The following IKZF2 variants were observed in gnomAD, a reference collection of about 807,000 sequenced individuals.
IKZF2 encodes IKAROS family zinc finger 2.
IKZF2 carries 15 observed loss-of-function variants against 49.2 expected under a neutral mutation model. That is an observed-to-expected ratio of 0.30 (90% confidence interval 0.20 to 0.47). The LOEUF (loss-of-function observed/expected upper bound fraction) is 0.47, where lower values mean the gene tolerates loss of function less well. IKZF2 is among the 20% of genes least tolerant of loss of function. IKZF2 has a pLI of 1.00. For missense variants in IKZF2, 567 were observed against 664.6 expected, an observed-to-expected ratio of 0.85 and a Z score of 1.61; for synonymous variants, 227 against 221.4, an observed-to-expected ratio of 1.03 and a Z score of -0.23.
At chr2:213,038,500 C>T (rs866145334) in intron 6 of IKZF2, among the ~76,000 whole-genome samples, 2 of 151,866 alleles carry the variant, frequency 1.3e-5, no homozygotes, top group East Asian at 1.9e-4. Flanking sequence ...GTATAACTTG[C>T]AGCTATCCCA....
chr2:213,073,906 T>C (rs1369554030), intron 4 of IKZF2, among the ~76,000 whole-genome samples: 1 of 152,164 alleles, frequency 6.6e-6, no homozygotes, highest in Non-Finnish European at 1.5e-5. Context: ...ATCCCTGGGA[T>C]CCAGAAACTT....
chr2:213,120,264 A>T (rs145350466), intron 4 of IKZF2, among the ~76,000 whole-genome samples: 15 of 152,362 alleles, frequency 9.8e-5, no homozygotes, highest in South Asian at 2.1e-4. Flanking sequence ...TGAATACTAT[A>T]ATAGATACAT....
intron 4 of IKZF2, among the ~76,000 whole-genome samples, chr2:213,124,235 TGCGCTCGC>T (rs928544276): frequency 8.7e-6 from 1 of 115,176 alleles, no homozygotes; most frequent in African/African-American, 3.9e-5. Flanking sequence ...CACGCACACA[TGCGCTCGC>T]GCGCGCGCGC....
chr2:213,100,784 T>G (rs144861275), intron 4 of IKZF2, among the ~76,000 whole-genome samples: 25 of 152,166 alleles, frequency 1.6e-4, no homozygotes, highest in African/African-American at 6.0e-4. Context: ...TATTTCTTTT[T>G]AAAGGCCAGG....
chr2:213,024,340 G>A (rs898072624), intron 6 of IKZF2, among the ~76,000 whole-genome samples: 1 of 152,068 alleles, frequency 6.6e-6, no homozygotes, highest in Admixed American at 6.6e-5. Context: ...TTCAATAACA[G>A]ACTACTATGT....
chr2:213,024,863 C>T (rs998042043), intron 6 of IKZF2, among the ~76,000 whole-genome samples: 2 of 152,024 alleles, frequency 1.3e-5, no homozygotes, highest in Non-Finnish European at 2.9e-5. Flanking sequence ...TACTTACTCC[C>T]TATACATGTG....
At chr2:213,015,513 A>T (rs1696480619) in intron 7 of IKZF2, among the ~76,000 whole-genome samples, 1 of 152,102 alleles carries the variant, frequency 6.6e-6, no homozygotes, top group Non-Finnish European at 1.5e-5. Flanking sequence ...AAGAGTCAAC[A>T]AAAAAGCAAA....
intron 4 of IKZF2, among the ~76,000 whole-genome samples, chr2:213,103,432 C>T (rs909146051): frequency 2.0e-5 from 3 of 152,088 alleles, no homozygotes; most frequent in African/African-American, 7.2e-5. Flanking sequence ...AATCAACAGA[C>T]TGAACGAAAA....
intron 6 of IKZF2, among the ~76,000 whole-genome samples, chr2:213,030,629 A>G (rs1344551570): frequency 6.6e-6 from 1 of 152,174 alleles, no homozygotes. Context: ...TTCAATAACA[A>G]AAAAGCAAAC....
chr2:213,133,831 A>C (rs2060561601), intron 4 of IKZF2, among the ~76,000 whole-genome samples: 2 of 152,190 alleles, frequency 1.3e-5, no homozygotes. Context: ...AGTTTTGATC[A>C]GCACATTCTA....
At chr2:213,081,920 T>C (rs1703997814) in intron 4 of IKZF2, among the ~76,000 whole-genome samples, 1 of 152,142 alleles carries the variant, frequency 6.6e-6, no homozygotes, top group Non-Finnish European at 1.5e-5. Context: ...TATTCAATTG[T>C]AAAGGTCAGA....
At chr2:213,131,380 C>T (rs2060469365) in intron 4 of IKZF2, among the ~76,000 whole-genome samples, 1 of 152,116 alleles carries the variant, frequency 6.6e-6, no homozygotes, top group African/African-American at 2.4e-5. Flanking sequence ...TACTAAATGA[C>T]TGATTTATGA....
At chr2:213,095,072 G>A (rs1027494452) in intron 4 of IKZF2, among the ~76,000 whole-genome samples, 1 of 152,038 alleles carries the variant, frequency 6.6e-6, no homozygotes, top group African/African-American at 2.4e-5. Context: ...GCAACTAAAA[G>A]TACAAACCTT....
intron 8 of IKZF2, among the ~76,000 whole-genome samples, chr2:213,008,426 T>A (rs1695593651): frequency 6.6e-6 from 1 of 152,000 alleles, no homozygotes; most frequent in South Asian, 2.1e-4. Flanking sequence ...GAGATAGGGT[T>A]TTGCCCTGTT....
chr2:213,029,870 G>A (rs1422667998), intron 6 of IKZF2, among the ~76,000 whole-genome samples: 1 of 151,944 alleles, frequency 6.6e-6, no homozygotes, highest in African/African-American at 2.4e-5. Context: ...AATGAACCAA[G>A]AAAGTTTGGG....
At chr2:213,046,878 G>A (rs1700199666) in intron 6 of IKZF2, among the ~76,000 whole-genome samples, 1 of 152,028 alleles carries the variant, frequency 6.6e-6, no homozygotes. Context: ...AATGTACAAA[G>A]TGACAATGGG....
intron 4 of IKZF2, among the ~76,000 whole-genome samples, chr2:213,131,680 G>A (rs1213587930): frequency 1.3e-5 from 2 of 152,138 alleles, no homozygotes; most frequent in South Asian, 4.1e-4. Context: ...TGAGTGTTGA[G>A]AAAAGAGTTA....
At chr2:213,063,482 C>T (rs950236868) in intron 4 of IKZF2, among the ~76,000 whole-genome samples, 1 of 151,890 alleles carries the variant, frequency 6.6e-6, no homozygotes, top group African/African-American at 2.4e-5. Context: ...GGGGAAATAA[C>T]ACTTGATGTT....
At chr2:213,016,561 C>T (rs1696624422) in intron 7 of IKZF2, among the ~76,000 whole-genome samples, 1 of 152,046 alleles carries the variant, frequency 6.6e-6, no homozygotes, top group African/African-American at 2.4e-5. Flanking sequence ...AAACATAAAA[C>T]AAATTCTCTA....
Sources: gnomAD v4.1 joint callset for allele counts (sites outside exome capture counted in the v4.1 genomes callset) on GRCh38, gnomAD v4.1.1 for gene constraint, MANE v1.5 for transcripts, NCBI Gene and HGNC (gene_info 2026-07-23, HGNC 2026-07-21) for gene names.